CNTNAP2: variants seen among roughly 807,000 people sequenced by gnomAD.
The protein encoded by CNTNAP2 is contactin-associated protein-like 2.
Under a neutral mutation model 155.2 loss-of-function variants are expected in CNTNAP2, and 98 were observed. The observed-to-expected ratio is 0.63, with a 90% confidence interval of 0.54 to 0.75. The LOEUF (loss-of-function observed/expected upper bound fraction) is 0.75. Among genes scored for constraint, CNTNAP2 ranks in the 30% least tolerant of loss-of-function variants. The pLI, the probability that CNTNAP2 is intolerant of heterozygous loss-of-function variation, is 0.00. For synonymous variants in CNTNAP2, 651 were observed against 631.2 expected, an observed-to-expected ratio of 1.03 and a Z score of -0.47; for missense variants, 1,727 against 1,688.1, an observed-to-expected ratio of 1.02 and a Z score of -0.40.
chr7:147,770,587 G>A (rs1373161869), intron 13 of CNTNAP2, among the ~76,000 whole-genome samples: 1 of 152,006 alleles, frequency 6.6e-6, no homozygotes, highest in Admixed American at 6.6e-5. Context: ...GTAACAAAAA[G>A]AAAATGAGAT....
At chr7:146,481,712 C>G (rs1380107371) in intron 1 of CNTNAP2, among the ~76,000 whole-genome samples, 1 of 152,138 alleles carries the variant, frequency 6.6e-6, no homozygotes, top group Admixed American at 6.5e-5. Flanking sequence ...GCTCCTTGTG[C>G]TAATACTGTA....
At chr7:147,541,410 A>G (rs1373809827) in intron 11 of CNTNAP2, among the ~76,000 whole-genome samples, 3 of 152,166 alleles carry the variant, frequency 2.0e-5, no homozygotes, top group Non-Finnish European at 4.4e-5. Flanking sequence ...CTTACAAAAC[A>G]CTCAGCATAG....
chr7:146,482,747 A>T (rs1796982719), intron 1 of CNTNAP2, among the ~76,000 whole-genome samples: 1 of 152,004 alleles, frequency 6.6e-6, no homozygotes, highest in Non-Finnish European at 1.5e-5. Flanking sequence ...CTCAAAAAAA[A>T]AAAATTGTCA....
chr7:146,790,249 A>T (rs958121655), intron 2 of CNTNAP2, among the ~76,000 whole-genome samples: 1 of 152,324 alleles, frequency 6.6e-6, no homozygotes, highest in Non-Finnish European at 1.5e-5. Context: ...GATGGAAAAT[A>T]ATTTTCTAAA....
intron 15 of CNTNAP2, among the ~76,000 whole-genome samples, chr7:148,073,799 C>T (rs1000836907): frequency 2.0e-5 from 3 of 151,990 alleles, no homozygotes; most frequent in Admixed American, 1.3e-4. Flanking sequence ...ACAGCAGGCC[C>T]TCCATATCAA....
At chr7:147,401,512 G>A (rs2116468061) in intron 10 of CNTNAP2, among the ~76,000 whole-genome samples, 1 of 152,170 alleles carries the variant, frequency 6.6e-6, no homozygotes, top group East Asian at 1.9e-4. Flanking sequence ...GGATTAGGTA[G>A]ATACATGAAA....
chr7:147,972,216 G>A (rs1458258882), intron 14 of CNTNAP2, among the ~76,000 whole-genome samples: 1 of 152,062 alleles, frequency 6.6e-6, no homozygotes, highest in Non-Finnish European at 1.5e-5. Flanking sequence ...TTTCTAGTTT[G>A]GGTGATGCTG....
chr7:148,410,441 C>G (rs2116717457), intron 23 of CNTNAP2, among the ~76,000 whole-genome samples: 1 of 152,022 alleles, frequency 6.6e-6, no homozygotes, highest in Middle Eastern at 3.4e-3. Flanking sequence ...GTGGCGCATT[C>G]CTGTAATCCC....
At chr7:146,588,908 C>T (rs974039026) in intron 1 of CNTNAP2, among the ~76,000 whole-genome samples, 1 of 151,892 alleles carries the variant, frequency 6.6e-6, no homozygotes, top group Non-Finnish European at 1.5e-5. Context: ...TAGCTGCTGT[C>T]TATAATATTT....
rs1554472695 is a variant in CNTNAP2, at chr7:147,347,461, T to TGC, written c.1498+47171_1498+47172insGC. On this transcript the variant is annotated intron_variant, in intron 9 of 23. Transcript: ENST00000361727. ...ATATGCATATATATATATATGCATATATATATATATATATGCATATATATA... is the reference window on the plus strand; with the variant it reads ...ATATGCATATATATATATATGCATATGCATATATATATATATGCATATATATA... Among the ~76,000 whole-genome samples the TGC allele has an allele frequency of 3.2e-3, 203 of 62,490 alleles. 3 individuals are homozygous for TGC. The highest frequency in any genetic ancestry group is 0.011 in the African/African-American group (188 of 17,788). The allele number at this position is 62,490 out of a possible 152,430, so 41.0% of individuals were successfully genotyped here. A position where few individuals can be genotyped will look rare whatever the true frequency, so the allele number is the denominator to read the frequency against.
At chr7:147,256,188 A>G (rs1336716831) in intron 8 of CNTNAP2, among the ~76,000 whole-genome samples, 1 of 151,060 alleles carries the variant, frequency 6.6e-6, no homozygotes, top group Non-Finnish European at 1.5e-5. Flanking sequence ...ATTGCACCTT[A>G]TTTTCTTAAC....
intron 18 of CNTNAP2, among the ~76,000 whole-genome samples, chr7:148,216,067 G>A (rs188354222): frequency 2.6e-5 from 4 of 152,316 alleles, no homozygotes; most frequent in East Asian, 1.9e-4. Context: ...GTAGAAGGCC[G>A]TGAAACAGAA....
chr7:148,295,667 A>C (rs1186004931), intron 21 of CNTNAP2, among the ~76,000 whole-genome samples: 1 of 147,754 alleles, frequency 6.8e-6, no homozygotes, highest in Non-Finnish European at 1.5e-5. Context: ...AATTTTTTGT[A>C]TTTTTAGTAG....
At position 146,875,934 on chromosome 7, in the gene CNTNAP2, C is replaced by CAAA. The variant is rs56304234; in HGVS notation, c.402+36055_402+36057dup. ...CACACACACACACACACATACACAG[C>CAAA]AAAAAAAAAAAAAAAAAAAAAAAAA... On this transcript the variant is annotated intron_variant, in intron 3 of 23. Transcript: ENST00000361727. Among the ~76,000 whole-genome samples, 119 of 55,118 alleles carry CAAA rather than the reference C, an allele frequency of 2.2e-3. 1 individual carries two copies. Among genetic ancestry groups the CAAA allele is most frequent in the East Asian group, 9.5e-3 (9 of 950 alleles). The allele number at this position is 55,118 out of a possible 152,430, so 36.2% of individuals were successfully genotyped here. A position where few individuals can be genotyped will look rare whatever the true frequency, so the allele number is the denominator to read the frequency against.
chr7:147,813,255 G>A (rs964952406), intron 13 of CNTNAP2, among the ~76,000 whole-genome samples: 1 of 152,134 alleles, frequency 6.6e-6, no homozygotes, highest in South Asian at 2.1e-4. Context: ...TGGAGTACTA[G>A]TCTCACCAGG....
chr7:148,364,723 G>A (rs1188973717), intron 21 of CNTNAP2, among the ~76,000 whole-genome samples: 2 of 152,164 alleles, frequency 1.3e-5, no homozygotes, highest in Non-Finnish European at 2.9e-5. Flanking sequence ...GACAAAACAG[G>A]CCACAGGGCT....
intron 15 of CNTNAP2, among the ~76,000 whole-genome samples, chr7:148,070,903 A>G (rs1021613030): frequency 6.6e-6 from 1 of 152,166 alleles, no homozygotes; most frequent in African/African-American, 2.4e-5. Context: ...ATTAGAAGGT[A>G]TTGTTACTAA....
chr7:146,391,574 A>C (rs1353794107), intron 1 of CNTNAP2, among the ~76,000 whole-genome samples: 2 of 152,186 alleles, frequency 1.3e-5, no homozygotes, highest in African/African-American at 4.8e-5. Flanking sequence ...CCCAACTTTG[A>C]TCTTATACAT....
chr7:148,330,580 T>TGGATGGAGTGGAC (rs1797975080), intron 21 of CNTNAP2, among the ~76,000 whole-genome samples: 26 of 133,728 alleles, frequency 1.9e-4, no homozygotes, highest in Admixed American at 4.9e-4. Flanking sequence ...ATGGAGTGGA[T>TGGATGGAGTGGAC]GGATGGAGTG....
Sources: allele counts gnomAD v4.1 joint callset (sites outside exome capture counted in the v4.1 genomes callset), GRCh38; gene constraint gnomAD v4.1.1; transcripts MANE v1.5; gene names NCBI Gene and HGNC (gene_info 2026-07-23, HGNC 2026-07-21).